FBXL5: variants seen among roughly 807,000 people sequenced by gnomAD.
The protein encoded by FBXL5 is F-box and leucine rich repeat protein 5.
In FBXL5, 26 loss-of-function variants were observed where a neutral mutation model predicts 78.3. The observed-to-expected ratio is 0.33, with a 90% CI of 0.24 to 0.46. FBXL5 has a LOEUF of 0.46. Ranked by LOEUF, FBXL5 falls within the 20% of genes least tolerant of loss-of-function variation. The pLI is 1.00. For synonymous variants in FBXL5, 295 were observed against 282.5 expected, an observed-to-expected ratio of 1.04 and a Z score of -0.45; for missense variants, 710 against 829.2, an observed-to-expected ratio of 0.86 and a Z score of 1.77.
chr4:15,641,439 G>A (rs1714861987), intron 2 of FBXL5: 2 of 357,840 alleles, frequency 5.6e-6, no homozygotes, highest in African/African-American at 4.7e-5. Context: ...AGACATTTAT[G>A]ATGATCCACT....
upstream of FBXL5, chr4:15,656,101 A>G: frequency 2.2e-6 from 1 of 446,224 alleles, no homozygotes; most frequent in East Asian, 7.0e-5. Flanking sequence ...AACGCGGGTC[A>G]GGGATAGGCC....
At chr4:15,636,143 T>G (rs1389625960) in intron 5 of FBXL5, among the ~76,000 whole-genome samples, 1 of 152,150 alleles carries the variant, frequency 6.6e-6, no homozygotes, top group African/African-American at 2.4e-5. Flanking sequence ...GCTTACTAAT[T>G]GAATTTTTAA....
At chr4:15,659,854 A>T (rs1206750522), upstream of FBXL5, 1 of 372,654 alleles carries the variant, frequency 2.7e-6, no homozygotes, top group South Asian at 1.1e-4. Flanking sequence ...CCTGAGGGAA[A>T]GGTGGCTACT....
At chr4:15,614,164 G>A (rs1028300519) in intron 9 of FBXL5, among the ~76,000 whole-genome samples, 1 of 152,208 alleles carries the variant, frequency 6.6e-6, no homozygotes, top group Non-Finnish European at 1.5e-5. Flanking sequence ...ACTTCCCCTA[G>A]GGATGGGGCT....
At chr4:15,675,755 G>A (rs1717972721) in intron 1 of FBXL5, among the ~76,000 whole-genome samples, 1 of 151,682 alleles carries the variant, frequency 6.6e-6, no homozygotes, top group East Asian at 1.9e-4. Context: ...TTAATTTTTT[G>A]TATTTTTAGT....
chr4:15,615,458 C>A (rs1438228425), intron 9 of FBXL5, among the ~76,000 whole-genome samples: 5 of 150,814 alleles, frequency 3.3e-5, no homozygotes, highest in African/African-American at 9.8e-5. Context: ...GTGTTTAGCT[C>A]AAGGTTTGTG....
intron 1 of FBXL5, among the ~76,000 whole-genome samples, chr4:15,669,547 T>G (rs1431783812): frequency 6.6e-6 from 1 of 152,160 alleles, no homozygotes; most frequent in Non-Finnish European, 1.5e-5. Context: ...AAAAATGCTT[T>G]ATGATAAAAA....
chr4:15,670,528 A>G (rs1717718154), intron 1 of FBXL5, among the ~76,000 whole-genome samples: 1 of 152,194 alleles, frequency 6.6e-6, no homozygotes, highest in Admixed American at 6.5e-5. Context: ...GAGGCATAAA[A>G]TTGGATCTTG....
At chr4:15,610,374 C>T (rs1722166684) in intron 10 of FBXL5, among the ~76,000 whole-genome samples, 1 of 152,102 alleles carries the variant, frequency 6.6e-6, no homozygotes, top group African/African-American at 2.4e-5. Flanking sequence ...TCCCCCAAAT[C>T]ATGCTTCAAT....
chr4:15,680,460 C>G (rs1306475150), intron 1 of FBXL5, among the ~76,000 whole-genome samples: 3 of 152,146 alleles, frequency 2.0e-5, no homozygotes, highest in Non-Finnish European at 4.4e-5. Context: ...CACCTGAGGT[C>G]AGGAGTTCGA....
rs10018878 is a variant in FBXL5 at position 15,646,743 on chromosome 4, C to T, written c.85-2035G>A. On this transcript the variant is annotated intron_variant, in intron 1 of 10. Coordinates refer to ENST00000341285, the MANE Select transcript of FBXL5 (RefSeq NM_012161.4). ...CCGGTGTGTGATGTTCCCCTTCCCA[C>T]GTCCATGTTGTTCTCATTGTTCAAT... Among the ~76,000 whole-genome samples, 8 of 146,500 alleles carry T rather than the reference C, an allele frequency of 5.5e-5. No homozygotes were observed. In the South Asian group the frequency reaches 6.8e-4, roughly 12 times the overall value.
intron 1 of FBXL5, among the ~76,000 whole-genome samples, chr4:15,679,810 G>T (rs187538569): frequency 6.6e-6 from 1 of 151,080 alleles, no homozygotes; most frequent in East Asian, 1.9e-4. Flanking sequence ...TCTGCTGATA[G>T]GAGTGTAAAA....
At chr4:15,651,730 C>T (rs6857442) in intron 1 of FBXL5, among the ~76,000 whole-genome samples, 36,862 of 152,088 alleles carry the variant, frequency 0.24, 4,710 homozygotes, top group African/African-American at 0.29. Flanking sequence ...TAAATAAATT[C>T]TTTCATAAAA....
chr4:15,664,620 C>G (rs901956443), upstream of FBXL5, among the ~76,000 whole-genome samples: 4 of 126,400 alleles, frequency 3.2e-5, no homozygotes. Flanking sequence ...TGCAATGGTA[C>G]GATCTCAGCT....
chr4:15,623,545 T>G (rs912920287), intron 9 of FBXL5, among the ~76,000 whole-genome samples: 3 of 152,156 alleles, frequency 2.0e-5, no homozygotes, highest in African/African-American at 7.2e-5. Flanking sequence ...AGGTTTTAAA[T>G]TGAACTAAAA....
intron 1 of FBXL5, among the ~76,000 whole-genome samples, chr4:15,669,699 A>G (rs944553308): frequency 6.6e-6 from 1 of 152,208 alleles, no homozygotes; most frequent in Admixed American, 6.5e-5. Context: ...CACACTATGA[A>G]AAGTTATTTT....
At chr4:15,612,518 A>G in intron 9 of FBXL5, 104 bp from the exon 10 acceptor site, 1 of 1,076,622 alleles carries the variant, frequency 9.3e-7, no homozygotes, top group South Asian at 1.7e-5. Context: ...CAATATGGTA[A>G]TGAGAAAATT....
rs1414021419 is a variant in FBXL5 at position 15,605,115 on chromosome 4, C to G, written c.*608G>C. 1 of 152,594 alleles carries G rather than the reference C, an allele frequency of 6.6e-6. No homozygotes were observed. Among genetic ancestry groups the G allele is most frequent in the Non-Finnish European group, 1.5e-5 (1 of 68,032 alleles). The allele number at this position is 152,594 out of a possible 1,614,324, so 9.5% of individuals were successfully genotyped here. A position where few individuals can be genotyped will look rare whatever the true frequency, so the allele number is the denominator to read the frequency against. On this transcript the variant is annotated 3_prime_UTR_variant, in exon 11 of 11. Coordinates refer to ENST00000341285, the MANE Select transcript of FBXL5 (RefSeq NM_012161.4). The stretch of plus-strand genomic sequence containing the variant: ...GATGACATAGGGACAGTGGTGAGAA[C>G]AAAGTATCCCTAAAGGAAACAAATA...
chr4:15,664,762 T>C (rs573882579), upstream of FBXL5, among the ~76,000 whole-genome samples: 50 of 151,888 alleles, frequency 3.3e-4, no homozygotes, highest in Non-Finnish European at 3.2e-4. Context: ...TTTCACCATG[T>C]TGGCCAGGCT....
Sources: allele counts gnomAD v4.1 joint callset (sites outside exome capture counted in the v4.1 genomes callset), GRCh38; gene constraint gnomAD v4.1.1; transcripts MANE v1.5; gene names NCBI Gene and HGNC (gene_info 2026-07-23, HGNC 2026-07-21).